Variants in SNAP47 observed in about 807,000 individuals in gnomAD.
The protein encoded by SNAP47 is synaptosome associated protein 47.
Under a neutral mutation model 31.4 loss-of-function variants are expected in SNAP47, and 20 were observed. That is an observed-to-expected ratio of 0.64 (90% CI 0.45 to 0.93). The LOEUF is 0.93. Among genes scored for constraint, SNAP47 ranks in the 40% least tolerant of loss-of-function variants. The probability of loss-of-function intolerance (pLI) is 0.00; values close to 1 mark genes in which losing one functional copy is unlikely to be tolerated. For synonymous variants in SNAP47, 194 were observed against 213.4 expected, an observed-to-expected ratio of 0.91 and a Z score of 0.79; for missense variants, 492 against 528.5, an observed-to-expected ratio of 0.93 and a Z score of 0.68.
At position 227,780,715 on chromosome 1, in the gene SNAP47, C is replaced by A; in HGVS notation, c.*42C>A. 1 of 1,610,670 alleles carries A rather than the reference C, an allele frequency of 6.2e-7. No homozygotes were observed. On this transcript the variant is annotated 3_prime_UTR_variant, in exon 5 of 5. Transcript: ENST00000617596. ...CATTCCTGTCTCACCCTGCACATCC[C>A]GCTGAGATGGAGGGCTGGGCGGCAG...
At chr1:227,732,934 C>T, upstream of SNAP47, 2 of 1,613,192 alleles carry the variant, frequency 1.2e-6, no homozygotes, top group Non-Finnish European at 1.7e-6. Flanking sequence ...CTGACCTCCT[C>T]CTGCACGGCG....
intron 2 of SNAP47, among the ~76,000 whole-genome samples, chr1:227,750,168 C>T (rs950635129): frequency 3.3e-5 from 5 of 152,240 alleles, no homozygotes; most frequent in African/African-American, 1.2e-4. Flanking sequence ...AGGCCGGAGC[C>T]GGAAGATGAC....
intron 4 of SNAP47, chr1:227,776,648 A>C (rs562929043): frequency 2.0e-6 from 2 of 985,442 alleles, no homozygotes; most frequent in South Asian, 9.4e-5. Context: ...AATGCACACG[A>C]TGCCATGTAA....
chr1:227,734,890 T>C, upstream of SNAP47: 1 of 1,581,496 alleles, frequency 6.3e-7, no homozygotes, highest in Non-Finnish European at 8.6e-7. Context: ...AGAGGAACTC[T>C]CCAGGGGCCA....
intron 4 of SNAP47, chr1:227,775,968 C>T: frequency 7.8e-7 from 1 of 1,281,240 alleles, no homozygotes; most frequent in Non-Finnish European, 1.0e-6. Flanking sequence ...CCCAGGGCAT[C>T]CTCCTCACGG....
At chr1:227,755,605 T>G (rs1662646910) in intron 2 of SNAP47, among the ~76,000 whole-genome samples, 1 of 152,184 alleles carries the variant, frequency 6.6e-6, no homozygotes, top group Admixed American at 6.5e-5. Context: ...CGGGCTGGTC[T>G]TGAACTCCTG....
At chr1:227,748,312 G>A (rs1217603951) in intron 2 of SNAP47, 79 bp downstream of exon 2, 2 of 1,411,086 alleles carry the variant, frequency 1.4e-6, no homozygotes, top group Admixed American at 2.8e-5. Context: ...CACTGTTCCA[G>A]GCCACTGCAC....
chr1:227,732,039 G>A (rs1449703646), upstream of SNAP47: 3 of 367,272 alleles, frequency 8.2e-6, no homozygotes, highest in Non-Finnish European at 1.5e-5. Context: ...GAGGGGACAG[G>A]GCTGGCCTAT....
At chr1:227,730,218 G>A (rs1660551767), upstream of SNAP47, among the ~76,000 whole-genome samples, 2 of 152,184 alleles carry the variant, frequency 1.3e-5, no homozygotes, top group South Asian at 4.1e-4. Flanking sequence ...GGTTCCCAGG[G>A]AGACGTGGCC....
intron 2 of SNAP47, among the ~76,000 whole-genome samples, chr1:227,752,163 G>A (rs1044650518): frequency 6.6e-6 from 1 of 152,196 alleles, no homozygotes; most frequent in Non-Finnish European, 1.5e-5. Context: ...GTGATGCAGT[G>A]TTTGTACCCA....
intron 3 of SNAP47, among the ~76,000 whole-genome samples, chr1:227,761,682 C>T (rs543206338): frequency 6.6e-6 from 1 of 152,226 alleles, no homozygotes; most frequent in South Asian, 2.1e-4. Flanking sequence ...ATGTGACGTG[C>T]TGTGGACTGG....
intron 1 of SNAP47, among the ~76,000 whole-genome samples, chr1:227,739,225 A>G (rs1226361918): frequency 2.6e-5 from 4 of 152,156 alleles, no homozygotes; most frequent in Admixed American, 6.5e-5. Context: ...CAATAGCGCT[A>G]TCTTGGCTCA....
chr1:227,733,641 A>G, upstream of SNAP47: 1 of 1,604,560 alleles, frequency 6.2e-7, no homozygotes, highest in Non-Finnish European at 8.5e-7. Context: ...ACATTGACAG[A>G]CCAGCTGAAG....
upstream of SNAP47, chr1:227,732,267 G>T: frequency 1.7e-6 from 2 of 1,150,998 alleles, no homozygotes; most frequent in Non-Finnish European, 2.5e-6. Flanking sequence ...GCCATGAACA[G>T]CCAGGCCACA....
rs573993510 is a variant in SNAP47, at chr1:227,737,663, G to A, written c.-46+2164G>A. Among the ~76,000 whole-genome samples, 12 of 152,292 alleles carry A rather than the reference G, an allele frequency of 7.9e-5. No individual in the cohort carries two copies. The South Asian group carries it at 2.1e-3, about 26-fold the overall frequency. ...GGAAGACTCTTTCCAAGGGGTGTGA[G>A]GTTTACCCAGGAGAACAGGGAGGAG... On this transcript the variant is annotated intron_variant, in intron 1 of 4. Transcript: ENST00000617596.
In SNAP47 at chr1:227,766,826, C is replaced by T. The variant is rs1243496331; in HGVS notation, c.989-133C>T. 18 of 1,311,234 alleles carry T rather than the reference C, an allele frequency of 1.4e-5. No individual in the cohort carries two copies. In the East Asian group the frequency reaches 3.4e-4, roughly 25 times the overall value. The allele number at this position is 1,311,234 out of a possible 1,614,324, so 81.2% of individuals were successfully genotyped here. ...GTGGCAAGGCAAGGCTCACAGAGGT[C>T]GAGAGAGGAAGCAGTCCTGCGTGTG... On this transcript the variant is annotated intron_variant, in intron 3 of 4. Coordinates refer to ENST00000617596, the MANE Select transcript of SNAP47 (RefSeq NM_053052.4).
At chr1:227,767,975 C>G (rs1455074848) in intron 4 of SNAP47, among the ~76,000 whole-genome samples, 3 of 152,244 alleles carry the variant, frequency 2.0e-5, no homozygotes, top group Non-Finnish European at 4.4e-5. Context: ...TGTTGCCTAA[C>G]ATGCTGGCTT....
chr1:227,781,106 T>G lies in SNAP47; in HGVS notation c.*433T>G, dbSNP rs1052248666. ...CATCCTATAAACACCCAACTGTTCT[T>G]TTATCGTCTCGGTTTTAGCCAAAAG... On this transcript the variant is annotated 3_prime_UTR_variant, in exon 5 of 5. Coordinates refer to ENST00000617596, the MANE Select transcript of SNAP47 (RefSeq NM_053052.4). 2 of 161,732 alleles carry G rather than the reference T, an allele frequency of 1.2e-5. No homozygotes were observed. Among genetic ancestry groups the G allele is most frequent in the African/African-American group, 4.8e-5 (2 of 41,812 alleles). The allele number at this position is 161,732 out of a possible 1,614,324, so 10.0% of individuals were successfully genotyped here.
chr1:227,738,315 C>G (rs1438133927), intron 1 of SNAP47, among the ~76,000 whole-genome samples: 1 of 152,214 alleles, frequency 6.6e-6, no homozygotes, highest in Non-Finnish European at 1.5e-5. Flanking sequence ...GCTGGGATTA[C>G]AGGCGTGAGC....
Sources: gnomAD v4.1 joint callset for allele counts (sites outside exome capture counted in the v4.1 genomes callset) on GRCh38, gnomAD v4.1.1 for gene constraint, MANE v1.5 for transcripts, NCBI Gene and HGNC (gene_info 2026-07-23, HGNC 2026-07-21) for gene names.